The following COL4A2 variants were observed in gnomAD, a reference collection of about 807,000 sequenced individuals.
COL4A2 encodes the protein collagen alpha-2(IV) chain.
A neutral mutation model predicts 200.2 loss-of-function variants in COL4A2; 99 were observed. That is an observed-to-expected ratio of 0.49 (90% CI 0.42 to 0.58). The LOEUF (loss-of-function observed/expected upper bound fraction) is 0.58, where lower values mean the gene tolerates loss of function less well. Among genes scored for constraint, COL4A2 ranks in the 20% least tolerant of loss-of-function variants. The pLI is 0.00. For synonymous variants in COL4A2, 897 were observed against 900.6 expected (o/e 1.00, Z 0.07); for missense variants, 1,950 against 2,314.1 (o/e 0.84, Z 3.23).
intron 15 of COL4A2, 134 bp downstream of exon 15, chr13:110,438,802 A>G: frequency 6.7e-6 from 4 of 596,724 alleles, no homozygotes; most frequent in African/African-American, 3.2e-5. Context: ...ATTACTCCCC[A>G]CCCCCCCCCA....
intron 3 of COL4A2, among the ~76,000 whole-genome samples, chr13:110,356,759 G>A (rs1181459051): frequency 2.2e-5 from 3 of 136,084 alleles, no homozygotes; most frequent in African/African-American, 7.8e-5. Flanking sequence ...GCATCGGGCA[G>A]TTTATAGGCA....
chr13:110,330,588 AGTGCATATCTTTGTTTT>A (rs1875861857), intron 3 of COL4A2, among the ~76,000 whole-genome samples: 1 of 152,176 alleles, frequency 6.6e-6, no homozygotes, highest in African/African-American at 2.4e-5. Context: ...TTCAAAGCAG[AGTGCATATCTTTGTTTT>A]TCCAAGTGTC....
At chr13:110,332,845 C>T (rs1182582310) in intron 3 of COL4A2, among the ~76,000 whole-genome samples, 5 of 152,234 alleles carry the variant, frequency 3.3e-5, no homozygotes, top group South Asian at 2.1e-4. Flanking sequence ...CGCTTACTTT[C>T]AGCAATGGTG....
rs1171586247 is a variant in COL4A2, at chr13:110,412,892, T to A, written c.181-11842T>A. Among the ~76,000 whole-genome samples, 3 of 152,354 alleles carry A rather than the reference T, an allele frequency of 2.0e-5. No individual in the cohort carries two copies. In the East Asian group the frequency reaches 5.8e-4, roughly 29 times the overall value. On this transcript the variant is annotated intron_variant, in intron 4 of 47. Transcript: ENST00000360467. Reference sequence around the variant, plus strand: ...TTCCACAAGTCTGGTGGTCTCCTTTTTTATGACTCCACTTGAGAGGCCTGG... The same window carrying A: ...TTCCACAAGTCTGGTGGTCTCCTTTATTATGACTCCACTTGAGAGGCCTGG...
In COL4A2 at chr13:110,469,308, G is replaced by T. The variant is rs1319150301; in HGVS notation, c.2187G>T (p.Gly729=). The change falls in exon 28 of 48, where the codon GGG becomes GGT. Residue 729 remains glycine (G), a synonymous_variant. Coordinates refer to ENST00000360467, the MANE Select transcript of COL4A2 (RefSeq NM_001846.4). ...TGCCAGGAGACGCAGGTCGTGAAGG[G>T]TTCCCAGGACCCCCAGGTGAGTTGA... is the stretch of plus-strand genomic sequence containing the variant. ...RGLPGDAGRE[G]FPGPPGFIGP... is the part of the protein sequence containing the mutation. The T allele has an allele frequency of 3.1e-6, 5 of 1,589,080 alleles. No individual in the cohort carries two copies. The East Asian group carries it at 9.1e-5, about 29-fold the overall frequency.
chr13:110,509,268 T>TAC (rs1474219877), intron 47 of COL4A2, among the ~76,000 whole-genome samples: 5,832 of 120,476 alleles, frequency 0.048, 233 homozygotes, highest in Admixed American at 0.11. Flanking sequence ...TATATATATA[T>TAC]ATACACACAC....
chr13:110,361,001 T>G (rs1373050034), intron 4 of COL4A2, among the ~76,000 whole-genome samples: 3 of 152,212 alleles, frequency 2.0e-5, no homozygotes, highest in Non-Finnish European at 4.4e-5. Context: ...TTAATTCAGG[T>G]GAGACCCTGA....
Position 110,436,381 on chromosome 13 carries a change from T to G in COL4A2, c.825+14T>G. 1 of 1,607,174 alleles carries G rather than the reference T, an allele frequency of 6.2e-7. No individual in the cohort carries two copies. Among genetic ancestry groups the G allele is most frequent in the Non-Finnish European group, 8.5e-7 (1 of 1,176,596 alleles). On this transcript the variant is annotated intron_variant, in intron 13 of 47. Transcript: ENST00000360467. ...GATCAGTACAAGGTAAAGAGCAAAATTGACTCTTTTCATAGTTGAAATAAA... is the reference window on the plus strand; with the variant it reads ...GATCAGTACAAGGTAAAGAGCAAAAGTGACTCTTTTCATAGTTGAAATAAA...
chr13:110,388,453 A>C (rs1351739127), intron 4 of COL4A2, among the ~76,000 whole-genome samples: 1 of 152,214 alleles, frequency 6.6e-6, no homozygotes, highest in African/African-American at 2.4e-5. Flanking sequence ...TTGAACGAAA[A>C]AGAGAATGAG....
chr13:110,320,221 C>T (rs781311343), intron 3 of COL4A2, among the ~76,000 whole-genome samples: 4 of 149,478 alleles, frequency 2.7e-5, no homozygotes, highest in South Asian at 4.4e-4. Flanking sequence ...GGTGGCTAGG[C>T]GGGGCTGGCG....
chr13:110,438,110 G>T (rs942665409), intron 14 of COL4A2, 73 bp downstream of exon 14: 25 of 1,310,108 alleles, frequency 1.9e-5, no homozygotes, highest in African/African-American at 1.5e-4. Flanking sequence ...GCATGACGGG[G>T]TGCACCATGC....
Position 110,511,968 on chromosome 13 carries a change from C to T in COL4A2, c.4916C>T (p.Ser1639Leu), listed in dbSNP as rs77786415. 3.1e-4 allele frequency: 506 copies of T among 1,613,570 alleles called. 1 individual carries two copies. Among genetic ancestry groups the T allele is most frequent in the Admixed American group, 7.2e-4 (43 of 60,036 alleles). Reference protein sequence around the residue: ...TAAGDEGGGQSLVSPGSCLED... With the variant: ...TAAGDEGGGQLLVSPGSCLED... ...GCGGGAGACGAAGGCGGTGGCCAAT[C>T]ACTGGTGTCACCGGGCAGCTGTCTA... The change falls in exon 48 of 48, where the codon TCA becomes TTA. Residue 1639 changes from serine to leucine, a missense_variant. Ser to Leu is a moderately radical substitution (Grantham distance 145, BLOSUM62 -2). Transcript: ENST00000360467.
At chr13:110,322,427 C>A (rs1192463696) in intron 3 of COL4A2, among the ~76,000 whole-genome samples, 1 of 152,238 alleles carries the variant, frequency 6.6e-6, no homozygotes, top group Non-Finnish European at 1.5e-5. Context: ...GTTGCCCACA[C>A]AGGTGCAGGC....
At chr13:110,473,285 A>G (rs1046064487) in intron 29 of COL4A2, 135 bp downstream of exon 29, 12 of 741,766 alleles carry the variant, frequency 1.6e-5, no homozygotes, top group South Asian at 1.3e-4. Context: ...ACCTTCTCCC[A>G]TGGCCTTCCA....
intron 3 of COL4A2, among the ~76,000 whole-genome samples, chr13:110,330,173 T>G (rs1389491119): frequency 2.0e-5 from 3 of 152,176 alleles, no homozygotes; most frequent in Non-Finnish European, 4.4e-5. Flanking sequence ...GACCTTGATT[T>G]TGTTTTGCGA....
At chr13:110,369,682 C>T (rs1178406130) in intron 4 of COL4A2, among the ~76,000 whole-genome samples, 2 of 152,098 alleles carry the variant, frequency 1.3e-5, no homozygotes, top group Non-Finnish European at 2.9e-5. Context: ...TAACACGTGC[C>T]GACTTCTCTG....
At position 110,439,848 on chromosome 13, in the gene COL4A2, T is replaced by A; in HGVS notation, c.957+15T>A. 1 of 1,613,886 alleles carries A rather than the reference T, an allele frequency of 6.2e-7. No individual in the cohort carries two copies. The highest frequency in any genetic ancestry group is 1.1e-5 in the South Asian group (1 of 90,980). On this transcript the variant is annotated intron_variant, in intron 16 of 47. Coordinates refer to ENST00000360467, the MANE Select transcript of COL4A2 (RefSeq NM_001846.4). Reference sequence around the variant, plus strand: ...CAGGACAGAAGGTAAGTTGGATGCATGAACTGCAGTCTGCTCTGGGCCCAC... The same window carrying A: ...CAGGACAGAAGGTAAGTTGGATGCAAGAACTGCAGTCTGCTCTGGGCCCAC...
At chr13:110,431,481 G>A (rs1488645755) in intron 10 of COL4A2, among the ~76,000 whole-genome samples, 2 of 152,250 alleles carry the variant, frequency 1.3e-5, no homozygotes, top group East Asian at 1.9e-4. Context: ...AAATTTCCCC[G>A]GTGCTGTGAA....
chr13:110,407,254 T>G (rs1027211596), intron 4 of COL4A2, among the ~76,000 whole-genome samples: 2 of 152,206 alleles, frequency 1.3e-5, no homozygotes, highest in African/African-American at 4.8e-5. Flanking sequence ...GGAAACGGCT[T>G]GGAGAAGCTC....
Sources: gnomAD v4.1 joint callset for allele counts (sites outside exome capture counted in the v4.1 genomes callset) on GRCh38, gnomAD v4.1.1 for gene constraint, MANE v1.5 for transcripts, NCBI Gene and HGNC (gene_info 2026-07-23, HGNC 2026-07-21) for gene names.